ATP9A: variants seen among roughly 807,000 people sequenced by gnomAD.
ATP9A encodes the protein ATPase phospholipid transporting 9A.
Under a neutral mutation model 144.1 loss-of-function variants are expected in ATP9A, and 52 were observed. The observed-to-expected ratio is 0.36, with a 90% CI of 0.29 to 0.45. ATP9A has a LOEUF of 0.45. Among genes scored for constraint, ATP9A ranks in the 20% least tolerant of loss-of-function variants. The probability of loss-of-function intolerance (pLI) is 1.00; values close to 1 mark genes in which losing one functional copy is unlikely to be tolerated. For missense variants in ATP9A, 947 were observed against 1,392.7 expected, an observed-to-expected ratio of 0.68 and a Z score of 5.09; for synonymous variants, 582 against 557.4, an observed-to-expected ratio of 1.04 and a Z score of -0.62.
chr20:51,678,228 C>G (rs2077485401), intron 9 of ATP9A, among the ~76,000 whole-genome samples: 1 of 152,048 alleles, frequency 6.6e-6, no homozygotes, highest in Admixed American at 6.6e-5. Context: ...CCAGCCCTGC[C>G]AAGCTCTCAG....
rs2077448621 is a variant in ATP9A, at chr20:51,669,894, TTGAAA to T, written c.1293+98_1293+102del. On this transcript the variant is annotated intron_variant, in intron 13 of 27. Transcript: ENST00000338821. Reference sequence around the variant, plus strand: ...TAAAAAAAAACAATGAATTGTACTCTTGAAATGGGTGAATTGTACGGTATTGTGAA... The same window carrying T: ...TAAAAAAAAACAATGAATTGTACTCTTGGGTGAATTGTACGGTATTGTGAA... 7.4e-6 allele frequency: 6 copies of T among 815,064 alleles called. No homozygotes were observed. In the South Asian group the frequency reaches 7.7e-5, roughly 10 times the overall value. 50.5% of individuals were successfully genotyped at this position (815,064 alleles called of 1,614,324 possible). A position where few individuals can be genotyped will look rare whatever the true frequency, so the allele number is the denominator to read the frequency against.
intron 3 of ATP9A, among the ~76,000 whole-genome samples, chr20:51,717,683 T>C (rs915338314): frequency 1.3e-5 from 2 of 152,026 alleles, no homozygotes; most frequent in East Asian, 3.9e-4. Flanking sequence ...TTGCCGAGTG[T>C]GGTGGCTCAT....
chr20:51,672,912 C>A (rs2077462169), intron 11 of ATP9A, among the ~76,000 whole-genome samples: 1 of 152,030 alleles, frequency 6.6e-6, no homozygotes, highest in African/African-American at 2.4e-5. Flanking sequence ...TTTTAGTAGA[C>A]CAAACTCCCC....
Position 51,729,968 on chromosome 20 carries a change from A to G in ATP9A, c.79T>C (p.Trp27Arg). 1 of 1,544,466 alleles carries G rather than the reference A, an allele frequency of 6.5e-7. No homozygotes were observed. Among genetic ancestry groups the G allele is most frequent in the Non-Finnish European group, 8.7e-7 (1 of 1,150,770 alleles). Residue 27 changes from tryptophan (W) to arginine (R), a missense_variant, in exon 2 of 28, where the codon TGG becomes CGG. By Grantham distance (101) the Trp-to-Arg change is moderately radical. Transcript: ENST00000338821. ...DSRPRAGCCEWLRCCGGGEAR... is the reference protein window; with the variant it reads ...DSRPRAGCCERLRCCGGGEAR... ...TCCCCTCCACCGCAGCATCTCAGCC[A>G]CTCGCAGCACCTGTGGGAAAGAAAC...
At chr20:51,645,526 CAA>C (rs1198784736) in intron 14 of ATP9A, among the ~76,000 whole-genome samples, 1 of 121,154 alleles carries the variant, frequency 8.3e-6, no homozygotes, top group Non-Finnish European at 1.9e-5. Flanking sequence ...AACAAACAAA[CAA>C]AAACAAACAA....
intron 8 of ATP9A, 122 bp downstream of exon 8, chr20:51,690,617 C>G: frequency 1.2e-6 from 1 of 826,046 alleles, no homozygotes; most frequent in Non-Finnish European, 2.0e-6. Context: ...GCGGTGCCTT[C>G]TTTATGTCCC....
Position 51,632,540 on chromosome 20 carries a change from G to C in ATP9A, c.1669-3468C>G, listed in dbSNP as rs6096510. On this transcript the variant is annotated intron_variant, in intron 15 of 27. Coordinates refer to ENST00000338821, the MANE Select transcript of ATP9A (RefSeq NM_006045.3). Reference sequence around the variant, plus strand: ...TTGCAGGATGCTGAGCGGCATCCCTGCTCTCCACCTATGACATGCCAGTAG... The same window carrying C: ...TTGCAGGATGCTGAGCGGCATCCCTCCTCTCCACCTATGACATGCCAGTAG... Among the ~76,000 whole-genome samples, 759 of 152,246 alleles carry C rather than the reference G, an allele frequency of 5.0e-3. 9 individuals carry two copies. Among genetic ancestry groups the C allele is most frequent in the African/African-American group, 0.017 (722 of 41,536 alleles).
At chr20:51,759,588 G>A (rs931317506) in intron 1 of ATP9A, among the ~76,000 whole-genome samples, 12 of 151,998 alleles carry the variant, frequency 7.9e-5, no homozygotes, top group South Asian at 2.1e-4. Flanking sequence ...CAAGAGAATC[G>A]CTTGAACCTC....
intron 1 of ATP9A, among the ~76,000 whole-genome samples, chr20:51,731,875 T>A (rs1235184735): frequency 6.6e-6 from 1 of 152,060 alleles, no homozygotes; most frequent in African/African-American, 2.4e-5. Context: ...TCCACCAAGA[T>A]TGCTATATAA....
intron 15 of ATP9A, among the ~76,000 whole-genome samples, chr20:51,635,280 G>A (rs2077286045): frequency 6.9e-6 from 1 of 144,306 alleles, no homozygotes; most frequent in African/African-American, 2.5e-5. Context: ...AACCCACCCA[G>A]AGCCAAACTC....
rs746534989 is a variant in ATP9A, at chr20:51,694,120, G to T, written c.548-18C>A. On this transcript the variant is annotated intron_variant, in intron 6 of 27. Transcript: ENST00000338821. ...GCATGACCCTGTGGAAGGAAGTCGG[G>T]TGCCGTCACCTGCACCTCAAGCACC... The T allele has an allele frequency of 6.2e-7, 1 of 1,609,898 alleles. No individual in the cohort carries two copies. The highest frequency in any genetic ancestry group is 1.7e-5 in the Admixed American group (1 of 59,912).
At chr20:51,700,546 G>A (rs537091956) in intron 4 of ATP9A, among the ~76,000 whole-genome samples, 9 of 152,254 alleles carry the variant, frequency 5.9e-5, no homozygotes, top group African/African-American at 1.4e-4. Context: ...GAGAAAGAGA[G>A]AGCGCCGGGC....
At chr20:51,638,069 T>C (rs1368277375) in intron 15 of ATP9A, among the ~76,000 whole-genome samples, 8 of 73,146 alleles carry the variant, frequency 1.1e-4, no homozygotes, top group South Asian at 7.0e-4. Context: ...CATTTCATCA[T>C]TTTATATATA....
At chr20:51,685,519 C>A (rs904476543) in intron 9 of ATP9A, among the ~76,000 whole-genome samples, 6 of 151,684 alleles carry the variant, frequency 4.0e-5, no homozygotes, top group African/African-American at 1.2e-4. Flanking sequence ...GCCAAGATCA[C>A]AACACTGCAC....
At chr20:51,756,723 G>A (rs1342742724) in intron 1 of ATP9A, among the ~76,000 whole-genome samples, 1 of 152,178 alleles carries the variant, frequency 6.6e-6, no homozygotes, top group Non-Finnish European at 1.5e-5. Context: ...ATTCTGAGGT[G>A]CTGGGGATTC....
At chr20:51,654,834 G>C (rs1255784176) in intron 14 of ATP9A, among the ~76,000 whole-genome samples, 3 of 152,200 alleles carry the variant, frequency 2.0e-5, no homozygotes, top group Non-Finnish European at 4.4e-5. Context: ...CCATGGCACA[G>C]ATCTGGAGGC....
intron 15 of ATP9A, among the ~76,000 whole-genome samples, chr20:51,634,019 G>A (rs1383195245): frequency 6.6e-6 from 1 of 152,116 alleles, no homozygotes; most frequent in Non-Finnish European, 1.5e-5. Flanking sequence ...AACCTGGGAA[G>A]GGGGGCATGC....
Position 51,650,426 on chromosome 20 carries a change from C to T in ATP9A, c.1506+6512G>A, listed in dbSNP as rs555725425. The stretch of plus-strand genomic sequence containing the variant: ...GCGTGCACCTGTAGTCCCAGCTGCT[C>T]GGGAGGCCGAGGCAGGAGAATCACT... On this transcript the variant is annotated intron_variant, in intron 14 of 27. Transcript: ENST00000338821. Among the ~76,000 whole-genome samples, 4 of 151,480 alleles carry T rather than the reference C, an allele frequency of 2.6e-5. No homozygotes were observed. The East Asian group carries it at 5.9e-4, about 22-fold the overall frequency.
intron 7 of ATP9A, among the ~76,000 whole-genome samples, chr20:51,692,348 A>G (rs1431692440): frequency 2.0e-5 from 3 of 152,224 alleles, no homozygotes; most frequent in Non-Finnish European, 4.4e-5. Flanking sequence ...GGCAAAAACT[A>G]CATTTCAAAG....
Sources: gnomAD v4.1 joint callset for allele counts (sites outside exome capture counted in the v4.1 genomes callset) on GRCh38, gnomAD v4.1.1 for gene constraint, MANE v1.5 for transcripts, NCBI Gene and HGNC (gene_info 2026-07-23, HGNC 2026-07-21) for gene names.